The following TRPM3 variants were observed in gnomAD, a reference collection of about 807,000 sequenced individuals.
The protein encoded by TRPM3 is long transient receptor potential channel 3.
Under a neutral mutation model 181.2 loss-of-function variants are expected in TRPM3, and 77 were observed. The ratio of observed to expected loss-of-function variants is 0.42; its 90% CI spans 0.35 to 0.51. The LOEUF (loss-of-function observed/expected upper bound fraction) is 0.51. Ranked by LOEUF, TRPM3 falls within the 20% of genes least tolerant of loss-of-function variation. The pLI is 0.01. For synonymous variants in TRPM3, 745 were observed against 796.4 expected (o/e 0.94, Z 1.09); for missense variants, 1,759 against 2,196.7 (o/e 0.80, Z 3.98).
At chr9:71,095,263 G>A (rs906361058) in intron 1 of TRPM3, among the ~76,000 whole-genome samples, 2 of 152,106 alleles carry the variant, frequency 1.3e-5, no homozygotes, top group African/African-American at 2.4e-5. Flanking sequence ...TTAAATGAAC[G>A]CAGAAGGGGT....
intron 1 of TRPM3, among the ~76,000 whole-genome samples, chr9:71,378,056 T>C (rs1367270614): frequency 1.2e-4 from 18 of 152,098 alleles, no homozygotes; most frequent in Non-Finnish European, 2.5e-4. Flanking sequence ...AAGATATTTC[T>C]AATACATATT....
intron 1 of TRPM3, among the ~76,000 whole-genome samples, chr9:71,014,618 T>C (rs145871492): frequency 3.9e-4 from 59 of 152,232 alleles, no homozygotes; most frequent in Non-Finnish European, 6.0e-4. Flanking sequence ...TTTGTTTCAT[T>C]TGGGCCCTGA....
At chr9:70,766,532 T>G (rs1430941589) in intron 7 of TRPM3, among the ~76,000 whole-genome samples, 1 of 152,166 alleles carries the variant, frequency 6.6e-6, no homozygotes, top group Non-Finnish European at 1.5e-5. Flanking sequence ...CACCACAATT[T>G]GGCACTTAAA....
intron 6 of TRPM3, among the ~76,000 whole-genome samples, chr9:70,792,688 C>A (rs1216028753): frequency 1.7e-5 from 2 of 121,056 alleles, no homozygotes; most frequent in East Asian, 2.5e-4. Context: ...AGAGAGAGAA[C>A]TGATATAGCT....
chr9:70,889,619 C>A (rs1431774795), intron 1 of TRPM3, among the ~76,000 whole-genome samples: 1 of 152,156 alleles, frequency 6.6e-6, no homozygotes, highest in Admixed American at 6.5e-5. Flanking sequence ...TAAGAAAATA[C>A]TGGGTATCCA....
At chr9:70,955,931 A>G (rs1163310082) in intron 1 of TRPM3, among the ~76,000 whole-genome samples, 1 of 152,192 alleles carries the variant, frequency 6.6e-6, no homozygotes, top group Non-Finnish European at 1.5e-5. Flanking sequence ...CTGAAAAAGT[A>G]TAATAATGAG....
chr9:70,896,778 C>T (rs1219314983), intron 1 of TRPM3, among the ~76,000 whole-genome samples: 1 of 149,714 alleles, frequency 6.7e-6, no homozygotes, highest in African/African-American at 2.5e-5. Flanking sequence ...AAGATTACTA[C>T]TAACAAATAA....
intron 3 of TRPM3, among the ~76,000 whole-genome samples, chr9:70,858,981 A>T (rs549460563): frequency 6.6e-6 from 1 of 152,080 alleles, no homozygotes; most frequent in South Asian, 2.1e-4. Context: ...ATGATAAGGG[A>T]GCAGCCTTCT....
At chr9:71,290,078 C>CA (rs5898195) in intron 1 of TRPM3, among the ~76,000 whole-genome samples, 63,059 of 150,982 alleles carry the variant, frequency 0.42, 14,094 homozygotes, top group Middle Eastern at 0.51. Flanking sequence ...TTAAAAAGTA[C>CA]AAAAAAAGGA....
In TRPM3 at chr9:70,553,044, C is replaced by T; in HGVS notation, c.3375-1G>A. 6.2e-7 allele frequency: 1 copy of T among 1,614,124 alleles called. No homozygotes were observed. The highest frequency in any genetic ancestry group is 8.5e-7 in the Non-Finnish European group (1 of 1,180,020). ...CGATTTTACTTCAAAAAATGTATTGCTAAAATAGAGACCAAAGAGAATCAA... is the reference window on the plus strand; with the variant it reads ...CGATTTTACTTCAAAAAATGTATTGTTAAAATAGAGACCAAAGAGAATCAA... On this transcript the variant is annotated splice_acceptor_variant, in intron 23 of 25. Transcript: ENST00000677713. LOFTEE classifies it high-confidence loss of function.
At chr9:71,427,206 T>C (rs969353949) in intron 1 of TRPM3, among the ~76,000 whole-genome samples, 1 of 152,216 alleles carries the variant, frequency 6.6e-6, no homozygotes, top group Non-Finnish European at 1.5e-5. Flanking sequence ...AAAGTGGTGA[T>C]ACACATCTCT....
At chr9:71,013,922 A>G (rs1039179079) in intron 1 of TRPM3, among the ~76,000 whole-genome samples, 6 of 151,856 alleles carry the variant, frequency 4.0e-5, no homozygotes, top group African/African-American at 1.4e-4. Context: ...TTTCTGCCAC[A>G]TTCATTCCTG....
At chr9:70,951,430 C>A (rs1225933259) in intron 1 of TRPM3, among the ~76,000 whole-genome samples, 1 of 152,186 alleles carries the variant, frequency 6.6e-6, no homozygotes, top group East Asian at 1.9e-4. Context: ...CAACCTCCAC[C>A]TCCCAGGTTC....
chr9:71,162,199 C>CAAAAAAAAAAAA (rs35947110), intron 1 of TRPM3, among the ~76,000 whole-genome samples: 5 of 74,418 alleles, frequency 6.7e-5, no homozygotes, highest in East Asian at 4.2e-4. Flanking sequence ...GACTCTGTCT[C>CAAAAAAAAAAAA]AAAAAAAAAA....
intron 8 of TRPM3, among the ~76,000 whole-genome samples, chr9:70,741,394 A>G (rs1449512330): frequency 1.3e-5 from 2 of 152,214 alleles, no homozygotes; most frequent in East Asian, 1.9e-4. Context: ...TAGTACAACC[A>G]CTATGAAAAA....
intron 1 of TRPM3, among the ~76,000 whole-genome samples, chr9:70,927,601 C>G (rs1056705097): frequency 1.3e-5 from 2 of 152,130 alleles, no homozygotes; most frequent in Non-Finnish European, 2.9e-5. Context: ...GTAGTCTTTG[C>G]TATTTGCAAA....
intron 1 of TRPM3, among the ~76,000 whole-genome samples, chr9:70,909,957 T>G (rs1490808685): frequency 6.6e-6 from 1 of 152,234 alleles, no homozygotes; most frequent in African/African-American, 2.4e-5. Context: ...GAGTGGAGTG[T>G]AAATTGCTAC....
intron 7 of TRPM3, among the ~76,000 whole-genome samples, chr9:70,768,503 T>C (rs1042847217): frequency 6.6e-6 from 1 of 152,158 alleles, no homozygotes; most frequent in Non-Finnish European, 1.5e-5. Context: ...GTTTTTTTTT[T>C]CTTGATGTCT....
At chr9:71,216,941 T>C (rs1011676307) in intron 1 of TRPM3, among the ~76,000 whole-genome samples, 2 of 39,316 alleles carry the variant, frequency 5.1e-5, no homozygotes, top group Non-Finnish European at 1.2e-4. Flanking sequence ...CCCTTTCTTT[T>C]TTTTTTTTTT....
Sources: gnomAD v4.1 joint callset for allele counts (sites outside exome capture counted in the v4.1 genomes callset) on GRCh38, gnomAD v4.1.1 for gene constraint, MANE v1.5 for transcripts, NCBI Gene and HGNC (gene_info 2026-07-23, HGNC 2026-07-21) for gene names.